The following ANO2 variants were observed in gnomAD, a reference collection of about 807,000 sequenced individuals.
ANO2 encodes anoctamin 2, also known as anoctamin-2.
A neutral mutation model predicts 124.2 loss-of-function variants in ANO2; 101 were observed. That is an observed-to-expected ratio of 0.81 (90% CI 0.69 to 0.96). ANO2 has a LOEUF of 0.96. Ranked by LOEUF, ANO2 falls within the 40% of genes least tolerant of loss-of-function variation. ANO2 has a pLI of 0.00. For synonymous variants in ANO2, 486 were observed against 482.5 expected (o/e 1.01, Z -0.09); for missense variants, 1,293 against 1,274.5 (o/e 1.01, Z -0.22).
intron 16 of ANO2, among the ~76,000 whole-genome samples, chr12:5,633,480 T>A (rs1945837410): frequency 6.6e-6 from 1 of 152,182 alleles, no homozygotes; most frequent in South Asian, 2.1e-4. Flanking sequence ...GTACTGTTTA[T>A]GGCTGAATGC....
chr12:5,706,881 G>C (rs536429949), intron 14 of ANO2, among the ~76,000 whole-genome samples: 18 of 152,192 alleles, frequency 1.2e-4, no homozygotes, highest in Non-Finnish European at 2.2e-4. Flanking sequence ...CAAGGACATA[G>C]AGCTACTAAT....
chr12:5,919,555 G>T (rs1188387010), intron 3 of ANO2, among the ~76,000 whole-genome samples: 1 of 151,910 alleles, frequency 6.6e-6, no homozygotes, highest in Non-Finnish European at 1.5e-5. Context: ...TGAGGTCAAG[G>T]TGCCCAAAGC....
chr12:5,746,169 C>A lies in ANO2; in HGVS notation c.1191-1852G>T, dbSNP rs552993341. 4.8e-4 allele frequency among the ~76,000 whole-genome samples: 73 copies of A among 152,268 alleles called. 1 individual carries two copies. Among genetic ancestry groups the A allele is most frequent in the African/African-American group, 1.7e-3 (72 of 41,554 alleles). ...CTAGTCAACTGAATCCTAGTTGGAA[C>A]TAGTCAATGCTAAAAGGTCAGGAAT... On this transcript the variant is annotated intron_variant, in intron 11 of 24. Coordinates refer to ENST00000682330, the MANE Select transcript of ANO2 (RefSeq NM_001364791.2).
chr12:5,861,852 G>A (rs1445003362), intron 3 of ANO2, among the ~76,000 whole-genome samples: 1 of 152,134 alleles, frequency 6.6e-6, no homozygotes, highest in African/African-American at 2.4e-5. Flanking sequence ...GAGGACAGGG[G>A]TGCTGAGATG....
At chr12:5,610,135 T>C (rs1391221270) in intron 19 of ANO2, among the ~76,000 whole-genome samples, 11 of 131,922 alleles carry the variant, frequency 8.3e-5, no homozygotes, top group Non-Finnish European at 1.4e-4. Flanking sequence ...TACACATACT[T>C]ATATAAATAT....
chr12:5,849,595 A>G (rs187309615), intron 4 of ANO2, among the ~76,000 whole-genome samples: 225 of 152,262 alleles, frequency 1.5e-3, no homozygotes, highest in Non-Finnish European at 2.2e-4. Context: ...TTGTTTTTGG[A>G]AAACAAATGC....
intron 17 of ANO2, 110 bp from the exon 18 acceptor site, chr12:5,613,068 T>G: frequency 9.2e-7 from 1 of 1,088,806 alleles, no homozygotes; most frequent in Non-Finnish European, 1.4e-6. Context: ...TCGAAAGCAC[T>G]GGTCAGGGCG....
chr12:5,694,284 A>AGAGAGAGAGAGAGAGAGAGAGAGAG (rs55758114), intron 14 of ANO2, among the ~76,000 whole-genome samples: 3 of 150,822 alleles, frequency 2.0e-5, no homozygotes, highest in African/African-American at 4.9e-5. Context: ...AGAGAGAGAG[A>AGAGAGAGAGAGAGAGAGAGAGAGAG]ATAAAACAGA....
At chr12:5,760,091 C>T (rs1231938700) in intron 10 of ANO2, among the ~76,000 whole-genome samples, 1 of 152,180 alleles carries the variant, frequency 6.6e-6, no homozygotes, top group Non-Finnish European at 1.5e-5. Context: ...ATTTCTGAAA[C>T]ACCATCACCA....
intron 7 of ANO2, among the ~76,000 whole-genome samples, chr12:5,808,878 T>C (rs1819073215): frequency 6.6e-6 from 1 of 152,056 alleles, no homozygotes; most frequent in Admixed American, 6.5e-5. Flanking sequence ...TCGCCCCCAT[T>C]TGCCACAGTT....
intron 1 of ANO2, among the ~76,000 whole-genome samples, chr12:5,927,062 T>A (rs541785680): frequency 6.6e-6 from 1 of 152,276 alleles, no homozygotes; most frequent in Non-Finnish European, 1.5e-5. Flanking sequence ...CCGTCTCTTC[T>A]CCACTTCATT....
chr12:5,867,583 A>G (rs1955460214), intron 3 of ANO2, among the ~76,000 whole-genome samples: 1 of 152,332 alleles, frequency 6.6e-6, no homozygotes, highest in South Asian at 2.1e-4. Flanking sequence ...CCGACCTGAC[A>G]TAGAAGGCAG....
rs75598593 is a variant in ANO2, at chr12:5,598,151, T to C, written c.2233+1333A>G. Among the ~76,000 whole-genome samples, 623 of 152,284 alleles carry C rather than the reference T, an allele frequency of 4.1e-3. 6 individuals are homozygous for C. The highest frequency in any genetic ancestry group is 0.014 in the African/African-American group (573 of 41,556). ...TAGGAGGAATGCCCATTAGAAATGATGAGTGAGGTAGCCTGTGCACAAAAA... is the reference window on the plus strand; with the variant it reads ...TAGGAGGAATGCCCATTAGAAATGACGAGTGAGGTAGCCTGTGCACAAAAA... On this transcript the variant is annotated intron_variant, in intron 20 of 24. Coordinates refer to ENST00000682330, the MANE Select transcript of ANO2 (RefSeq NM_001364791.2).
chr12:5,917,565 CTT>C (rs1275136752), intron 3 of ANO2, among the ~76,000 whole-genome samples: 7 of 100,642 alleles, frequency 7.0e-5, no homozygotes, highest in African/African-American at 9.8e-5. Flanking sequence ...TCTCTTTTTT[CTT>C]TTTTTTTTTT....
At chr12:5,582,533 T>C (rs1428048948) in intron 20 of ANO2, among the ~76,000 whole-genome samples, 1 of 152,240 alleles carries the variant, frequency 6.6e-6, no homozygotes, top group African/African-American at 2.4e-5. Context: ...AACAGTATAG[T>C]AGATAAAATA....
At chr12:5,612,787 T>C (rs1242739225) in intron 18 of ANO2, 31 bp from the exon 19 acceptor site, 1 of 1,611,738 alleles carries the variant, frequency 6.2e-7, no homozygotes, top group African/African-American at 1.3e-5. Context: ...AAGGACCGGT[T>C]AGAACAAAAG....
At chr12:5,644,247 C>A (rs1946524554) in intron 15 of ANO2, among the ~76,000 whole-genome samples, 1 of 152,212 alleles carries the variant, frequency 6.6e-6, no homozygotes, top group South Asian at 2.1e-4. Context: ...GGACACCCAG[C>A]TGTCCCAGAA....
Position 5,922,491 on chromosome 12 carries a change from C to G in ANO2, c.207+129G>C. The G allele has an allele frequency of 1.2e-5, 13 of 1,083,890 alleles. No individual in the cohort carries two copies. In the South Asian group the frequency reaches 1.9e-4, roughly 16 times the overall value. The allele number at this position is 1,083,890 out of a possible 1,614,324, so 67.1% of individuals were successfully genotyped here. On this transcript the variant is annotated intron_variant, in intron 2 of 24. Coordinates refer to ENST00000682330, the MANE Select transcript of ANO2 (RefSeq NM_001364791.2). ...AGACAGAGAAGAGAAAAGGCCCTAC[C>G]CAAACCTAGGTCTCTCTCTTTCACG...
chr12:5,586,572 T>C (rs1943119911), intron 20 of ANO2, among the ~76,000 whole-genome samples: 1 of 152,240 alleles, frequency 6.6e-6, no homozygotes, highest in African/African-American at 2.4e-5. Context: ...GTTGGAAATT[T>C]GGAAATTACC....
Sources: allele counts gnomAD v4.1 joint callset (sites outside exome capture counted in the v4.1 genomes callset), GRCh38; gene constraint gnomAD v4.1.1; transcripts MANE v1.5; gene names NCBI Gene and HGNC (gene_info 2026-07-23, HGNC 2026-07-21).